The following GNAT2 variants were observed in gnomAD, a reference collection of about 807,000 sequenced individuals.
The protein encoded by GNAT2 is G protein subunit alpha transducin 2.
GNAT2 carries 32 observed loss-of-function variants against 40.9 expected under a neutral mutation model. The ratio of observed to expected loss-of-function variants is 0.78; its 90% CI spans 0.59 to 1.05. The LOEUF is 1.05. Among genes scored for constraint, GNAT2 ranks in the 50% least tolerant of loss-of-function variants. GNAT2 has a pLI of 0.00. For synonymous variants in GNAT2, 141 were observed against 157.2 expected, an observed-to-expected ratio of 0.90 and a Z score of 0.77; for missense variants, 355 against 431.5, an observed-to-expected ratio of 0.82 and a Z score of 1.57.
chr1:109,605,645 T>C, intron 7 of GNAT2: 1 of 370,230 alleles, frequency 2.7e-6, no homozygotes, highest in South Asian at 2.1e-5. Flanking sequence ...GTACTAAGTG[T>C]AACTCCTTTG....
chr1:109,609,539 G>C (rs1649727686), intron 4 of GNAT2: 1 of 212,212 alleles, frequency 4.7e-6, no homozygotes, highest in Admixed American at 5.3e-5. Flanking sequence ...GGCTGAGGTG[G>C]GAGAATCACT....
At chr1:109,608,351 C>T in intron 5 of GNAT2, 1 of 488,050 alleles carries the variant, frequency 2.0e-6, no homozygotes, top group Non-Finnish European at 3.7e-6. Context: ...GGCTACTAGG[C>T]AGAACACGTC....
rs1033962155 is a variant in GNAT2, at chr1:109,606,506, T to G, written c.462-70A>C. 2.9e-5 allele frequency: 38 copies of G among 1,309,630 alleles called. No homozygotes were observed. The Middle Eastern group carries it at 9.1e-4, about 32-fold the overall frequency. The allele number at this position is 1,309,630 out of a possible 1,614,324, so 81.1% of individuals were successfully genotyped here. Reference sequence around the variant, plus strand: ...AGGCTAAGAGACGTAAAAGGTATCTTACCCAAAGTCACACAGCTAATTTGG... The same window carrying G: ...AGGCTAAGAGACGTAAAAGGTATCTGACCCAAAGTCACACAGCTAATTTGG... On this transcript the variant is annotated intron_variant, in intron 5 of 8. Transcript: ENST00000679935.
rs1276728798 is a variant in GNAT2, at chr1:109,610,194, G to A, written c.162-13C>T. The A allele has an allele frequency of 1.2e-6, 2 of 1,613,690 alleles. No individual in the cohort carries two copies. The highest frequency in any genetic ancestry group is 2.7e-5 in the African/African-American group (2 of 74,928). ...CTGGTGAATGATCCTGCAAGGGGCA[G>A]ACACTCTGTCTTTAGCTGGACCTGA... On this transcript the variant is annotated splice_polypyrimidine_tract_variant and intron_variant, in intron 3 of 8. Coordinates refer to ENST00000679935, the MANE Select transcript of GNAT2 (RefSeq NM_001377295.2).
At position 109,606,306 on chromosome 1, in the gene GNAT2, AC is replaced by A. The variant is rs1266550019; in HGVS notation, c.590+1del. 6.2e-7 allele frequency: 1 copy of A among 1,613,666 alleles called. No homozygotes were observed. Among genetic ancestry groups the A allele is most frequent in the South Asian group, 1.1e-5 (1 of 91,084 alleles). ...AGATGCCCTAGGGAACCATGCACTTACCTGAAATTCAAGTCTTTGACGGAAA... is the reference window on the plus strand; with the variant it reads ...AGATGCCCTAGGGAACCATGCACTTACTGAAATTCAAGTCTTTGACGGAAA... On this transcript the variant is annotated splice_donor_variant, in intron 6 of 8. Transcript: ENST00000679935. LOFTEE classifies it high-confidence loss of function.
chr1:109,612,891 T>C lies in GNAT2; in HGVS notation c.-21A>G, dbSNP rs755513575. ...CCCATATTTGCCGTCTTGTCAGCTTTTTCAGGCCCCTAATCCTCTCTCGTA... is the reference window on the plus strand; with the variant it reads ...CCCATATTTGCCGTCTTGTCAGCTTCTTCAGGCCCCTAATCCTCTCTCGTA... On this transcript the variant is annotated 5_prime_UTR_variant, in exon 2 of 9. Coordinates refer to ENST00000679935, the MANE Select transcript of GNAT2 (RefSeq NM_001377295.2). The C allele has an allele frequency of 1.4e-6, 2 of 1,464,402 alleles. No individual in the cohort carries two copies. The highest frequency in any genetic ancestry group is 1.9e-6 in the Non-Finnish European group (2 of 1,044,108). The allele number at this position is 1,464,402 out of a possible 1,614,324, so 90.7% of individuals were successfully genotyped here.
intron 5 of GNAT2, chr1:109,606,856 G>T: frequency 1.5e-5 from 3 of 206,874 alleles, no homozygotes; most frequent in African/African-American, 2.3e-5. Flanking sequence ...GGAAACATTT[G>T]AGATAACTGG....
chr1:109,610,170 T>C lies in GNAT2; in HGVS notation c.173A>G (p.Gln58Arg), dbSNP rs1649751476. Reference sequence around the variant, plus strand: ...GCATTCTTCTGGTGAATAGCCATCCTGGTGAATGATCCTGCAAGGGGCAGA... The same window carrying C: ...GCATTCTTCTGGTGAATAGCCATCCCGGTGAATGATCCTGCAAGGGGCAGA... ...TIVKQMKIIH[Q>R]DGYSPEECLE... is the part of the protein sequence containing the mutation. Residue 58 changes from glutamine to arginine, a missense_variant, in exon 4 of 9, where the codon CAG becomes CGG. Coordinates refer to ENST00000679935, the MANE Select transcript of GNAT2 (RefSeq NM_001377295.2). The C allele has an allele frequency of 6.2e-7, 1 of 1,614,128 alleles. No homozygotes were observed. The highest frequency in any genetic ancestry group is 2.2e-5 in the East Asian group (1 of 44,890).
At position 109,610,047 on chromosome 1, in the gene GNAT2, C is replaced by G; in HGVS notation, c.296G>C (p.Ser99Thr). The G allele has an allele frequency of 6.2e-7, 1 of 1,614,116 alleles. No homozygotes were observed. Among genetic ancestry groups the G allele is most frequent in the Non-Finnish European group, 8.5e-7 (1 of 1,179,958 alleles). ...TTLGIDYAEP[S>T]CADDGRQLNN... The stretch of plus-strand genomic sequence containing the variant: ...ATAATAGTAATCACATACCGCACAG[C>G]TTGGTTCAGCATAATCGATGCCCAG... Residue 99 changes from serine to threonine, a missense_variant, in exon 4 of 9, where the codon AGC becomes ACC. Coordinates refer to ENST00000679935, the MANE Select transcript of GNAT2 (RefSeq NM_001377295.2).
intron 1 of GNAT2, chr1:109,614,226 TAAAGACATTA>T (rs780404564): frequency 6.6e-5 from 10 of 152,224 alleles, no homozygotes; most frequent in Non-Finnish European, 1.2e-4. Context: ...CAGGTGACTC[TAAAGACATTA>T]AAGATTGGGA....
intron 4 of GNAT2, chr1:109,609,700 T>C (rs942743529): frequency 5.0e-5 from 18 of 361,104 alleles, no homozygotes; most frequent in South Asian, 2.7e-4. Context: ...ATGAAAAATA[T>C]TCAGCTTTGT....
intron 2 of GNAT2, 40 bp from the exon 3 acceptor site, chr1:109,610,547 TCTC>T (rs764383106): frequency 7.6e-6 from 12 of 1,587,300 alleles, no homozygotes; most frequent in East Asian, 2.2e-5. Flanking sequence ...TTCCACCAGT[TCTC>T]CTCAGCCTTC....
chr1:109,612,850 A>G lies in GNAT2; in HGVS notation c.21T>C (p.Ala7=). Residue 7 remains alanine, a synonymous_variant, in exon 2 of 9, where the codon GCT becomes GCC. Transcript: ENST00000679935. Reference sequence around the variant, plus strand: ...ACCTCTTGGCCAGTTCTTTGTCCTCAGCACTGGCTCCACTTCCCATATTTG... The same window carrying G: ...ACCTCTTGGCCAGTTCTTTGTCCTCGGCACTGGCTCCACTTCCCATATTTG... The part of the protein sequence containing the change: MGSGAS[A]EDKELAKRSK... 1.9e-6 allele frequency: 3 copies of G among 1,611,160 alleles called. No homozygotes were observed. Among genetic ancestry groups the G allele is most frequent in the Non-Finnish European group, 2.5e-6 (3 of 1,177,410 alleles).
intron 7 of GNAT2, chr1:109,605,527 G>A (rs947271729): frequency 6.9e-6 from 2 of 290,048 alleles, no homozygotes; most frequent in Non-Finnish European, 1.3e-5. Flanking sequence ...AGCCTCCTAA[G>A]TGGGGTTACT....
At chr1:109,606,143 G>T in intron 6 of GNAT2, 44 bp from the exon 7 acceptor site, 1 of 1,609,338 alleles carries the variant, frequency 6.2e-7, no homozygotes, top group Non-Finnish European at 8.5e-7. Context: ...CCCAACATAC[G>T]ACCTATATGC....
chr1:109,603,833 TGTAACTGTGCCCAA>T lies in GNAT2; in HGVS notation c.874+104_874+117del, dbSNP rs1486931458. 1.3e-5 allele frequency: 11 copies of T among 818,960 alleles called. No individual in the cohort carries two copies. In the Admixed American group the frequency reaches 1.7e-4, roughly 13 times the overall value. 50.7% of individuals were successfully genotyped at this position (818,960 alleles called of 1,614,324 possible). A position where few individuals can be genotyped will look rare whatever the true frequency, so the allele number is the denominator to read the frequency against. ...TTCCAGAGTATCTGAATTTAAACCCTGTAACTGTGCCCAAGGTTCTCCCTTAAGTTCCTTTGTGT... is the reference window on the plus strand; with the variant it reads ...TTCCAGAGTATCTGAATTTAAACCCTGGTTCTCCCTTAAGTTCCTTTGTGT... On this transcript the variant is annotated intron_variant, in intron 8 of 8. Transcript: ENST00000679935.
At position 109,608,717 on chromosome 1, in the gene GNAT2, C is replaced by T. The variant is rs777831176; in HGVS notation, c.375G>A (p.Glu125=). The change falls in exon 5 of 9, where the codon GAG becomes GAA. Residue 125 remains glutamate (E), a synonymous_variant. Transcript: ENST00000679935. ...CATCCTTCCACAACCTCCTAATGAC[C>T]TCCACGAGCTCAGGAGGCATGGTTC... The part of the protein sequence containing the change: ...EEGTMPPELV[E]VIRRLWKDGG... 2 of 1,613,824 alleles carry T rather than the reference C, an allele frequency of 1.2e-6. No individual in the cohort carries two copies. The highest frequency in any genetic ancestry group is 1.7e-6 in the Non-Finnish European group (2 of 1,179,692).
chr1:109,615,847 T>C (rs1406265357), intron 1 of GNAT2: 1 of 152,274 alleles, frequency 6.6e-6, no homozygotes, highest in African/African-American at 2.4e-5. Flanking sequence ...TTCTTTCTAT[T>C]ACTTCCACAT....
intron 2 of GNAT2, chr1:109,610,808 G>A: frequency 2.1e-6 from 1 of 481,544 alleles, no homozygotes. Flanking sequence ...CCCTAGTTAT[G>A]ACAACCAAAA....
Sources: gnomAD v4.1 joint callset for allele counts on GRCh38, gnomAD v4.1.1 for gene constraint, MANE v1.5 for transcripts, NCBI Gene and HGNC (gene_info 2026-07-23, HGNC 2026-07-21) for gene names.